Variants in FBXL7 observed in about 807,000 individuals in gnomAD.
FBXL7 encodes F-box/LRR-repeat protein 7.
A neutral mutation model predicts 38.3 loss-of-function variants in FBXL7; 12 were observed. The observed-to-expected ratio is 0.31, with a 90% CI of 0.20 to 0.51. FBXL7 has a LOEUF of 0.51. FBXL7 is among the 20% of genes least tolerant of loss of function. FBXL7 has a pLI of 0.98. For missense variants in FBXL7, 567 were observed against 676.4 expected (o/e 0.84, Z 1.79); for synonymous variants, 297 against 300.9 (o/e 0.99, Z 0.13).
chr5:15,550,496 G>C (rs1738034095), intron 1 of FBXL7, among the ~76,000 whole-genome samples: 1 of 151,440 alleles, frequency 6.6e-6, no homozygotes, highest in Admixed American at 6.6e-5. Flanking sequence ...CCAAAACTTA[G>C]GCCTGAAAAG....
intron 1 of FBXL7, among the ~76,000 whole-genome samples, chr5:15,595,743 A>T (rs1739608602): frequency 6.6e-6 from 1 of 152,198 alleles, no homozygotes; most frequent in African/African-American, 2.4e-5. Flanking sequence ...AAAAGATGTA[A>T]ATCGAAGTGC....
At chr5:15,501,410 T>A (rs1736482184) in intron 1 of FBXL7, 1 of 985,576 alleles carries the variant, frequency 1.0e-6, no homozygotes, top group South Asian at 4.7e-5. Context: ...GGCTTCTCCC[T>A]TCTCTCTCCT....
intron 2 of FBXL7, among the ~76,000 whole-genome samples, chr5:15,830,768 C>T (rs776936361): frequency 6.6e-6 from 1 of 152,134 alleles, no homozygotes; most frequent in African/African-American, 2.4e-5. Context: ...GCCAGTTTTG[C>T]TCCCTATTGA....
chr5:15,774,859 T>A (rs1736819959), intron 2 of FBXL7, among the ~76,000 whole-genome samples: 1 of 152,162 alleles, frequency 6.6e-6, no homozygotes, highest in South Asian at 2.1e-4. Flanking sequence ...CTAAGGTTGT[T>A]TCTCTTGACC....
intron 1 of FBXL7, among the ~76,000 whole-genome samples, chr5:15,535,367 G>T (rs574567481): frequency 6.6e-6 from 1 of 152,190 alleles, no homozygotes; most frequent in Non-Finnish European, 1.5e-5. Context: ...AGGAACGTGT[G>T]GGAAAGTTTG....
At chr5:15,897,711 A>G (rs777087620) in intron 2 of FBXL7, among the ~76,000 whole-genome samples, 14 of 152,214 alleles carry the variant, frequency 9.2e-5, no homozygotes, top group Non-Finnish European at 1.6e-4. Flanking sequence ...TCAGAAAGGT[A>G]TAGGAGAAGA....
chr5:15,549,830 T>C (rs952271624), intron 1 of FBXL7, among the ~76,000 whole-genome samples: 1 of 152,226 alleles, frequency 6.6e-6, no homozygotes, highest in African/African-American at 2.4e-5. Flanking sequence ...TGTTAGATGC[T>C]AGGGTGGTCC....
At chr5:15,702,253 A>T (rs1015135833) in intron 2 of FBXL7, among the ~76,000 whole-genome samples, 3 of 144,696 alleles carry the variant, frequency 2.1e-5, no homozygotes, top group African/African-American at 7.7e-5. Flanking sequence ...AAAAAAAAAA[A>T]TTCACAGCTC....
intron 2 of FBXL7, among the ~76,000 whole-genome samples, chr5:15,705,037 C>G (rs185029459): frequency 1.3e-5 from 2 of 151,874 alleles, no homozygotes; most frequent in African/African-American, 4.8e-5. Flanking sequence ...TTGAAAGAAC[C>G]ATGGTACTCA....
chr5:15,657,151 T>G (rs1741911130), intron 2 of FBXL7, among the ~76,000 whole-genome samples: 1 of 152,182 alleles, frequency 6.6e-6, no homozygotes, highest in African/African-American at 2.4e-5. Flanking sequence ...TGTCACTTAT[T>G]TTGAAATTAA....
Position 15,851,790 on chromosome 5 carries a change from GA to G in FBXL7, c.128-76093del, listed in dbSNP as rs200251080. Among the ~76,000 whole-genome samples, 760 of 148,142 alleles carry G rather than the reference GA, an allele frequency of 5.1e-3. 11 individuals are homozygous for G. The highest frequency in any genetic ancestry group is 0.018 in the African/African-American group (720 of 40,142). On this transcript the variant is annotated intron_variant, in intron 2 of 3. Coordinates refer to ENST00000504595, the MANE Select transcript of FBXL7 (RefSeq NM_012304.5). ...TTCTCACGCAAATAAATAACAAATG[GA>G]AAAAAAGATTCTGCAAACTAATACA...
intron 2 of FBXL7, among the ~76,000 whole-genome samples, chr5:15,645,791 A>G (rs772424193): frequency 2.0e-5 from 3 of 152,240 alleles, no homozygotes; most frequent in Admixed American, 6.5e-5. Flanking sequence ...GTTCAGTTCT[A>G]TATGAAGGTT....
At chr5:15,696,018 A>C (rs1743320894) in intron 2 of FBXL7, among the ~76,000 whole-genome samples, 2 of 152,214 alleles carry the variant, frequency 1.3e-5, no homozygotes, top group South Asian at 4.1e-4. Flanking sequence ...AGGCATGTCC[A>C]CTGAGTCTGC....
intron 2 of FBXL7, among the ~76,000 whole-genome samples, chr5:15,868,967 C>G (rs1228136881): frequency 3.3e-5 from 5 of 152,152 alleles, no homozygotes; most frequent in Non-Finnish European, 7.3e-5. Context: ...TACGTACTTA[C>G]TCTCTCACTG....
intron 1 of FBXL7, among the ~76,000 whole-genome samples, chr5:15,562,193 A>G (rs537372561): frequency 2.2e-4 from 33 of 152,280 alleles, no homozygotes; most frequent in South Asian, 1.2e-3. Context: ...TCTCCTTGAT[A>G]TTGGCTCCAG....
intron 2 of FBXL7, among the ~76,000 whole-genome samples, chr5:15,849,119 A>G (rs989765061): frequency 6.6e-6 from 1 of 152,232 alleles, no homozygotes; most frequent in Non-Finnish European, 1.5e-5. Flanking sequence ...AAACCTTAAT[A>G]GGCTTCACCT....
intron 2 of FBXL7, among the ~76,000 whole-genome samples, chr5:15,620,407 TTTTTTG>T (rs1435187496): frequency 1.4e-4 from 16 of 118,220 alleles, no homozygotes; most frequent in African/African-American, 5.2e-4. Context: ...TAATTTTTTG[TTTTTTG>T]TTTTTTTTTT....
At chr5:15,535,905 T>G (rs966458115) in intron 1 of FBXL7, among the ~76,000 whole-genome samples, 1 of 152,248 alleles carries the variant, frequency 6.6e-6, no homozygotes, top group Non-Finnish European at 1.5e-5. Context: ...ATTTCAGATA[T>G]CTTCAAGGCA....
intron 2 of FBXL7, among the ~76,000 whole-genome samples, chr5:15,722,124 C>T (rs1003427226): frequency 2.0e-5 from 3 of 152,332 alleles, no homozygotes; most frequent in South Asian, 2.1e-4. Flanking sequence ...TGAGCCATCA[C>T]GCCCGGCCAA....
Sources: gnomAD v4.1 joint callset for allele counts (sites outside exome capture counted in the v4.1 genomes callset) on GRCh38, gnomAD v4.1.1 for gene constraint, MANE v1.5 for transcripts, NCBI Gene and HGNC (gene_info 2026-07-23, HGNC 2026-07-21) for gene names.